Variants in CRYZL1 observed in about 807,000 individuals in gnomAD.
CRYZL1 encodes the protein crystallin zeta like 1.
A neutral mutation model predicts 50.6 loss-of-function variants in CRYZL1; 34 were observed. That is an observed-to-expected ratio of 0.67 (90% CI 0.51 to 0.89). The LOEUF is 0.89. Among genes scored for constraint, CRYZL1 ranks in the 40% least tolerant of loss-of-function variants. The pLI, the probability that CRYZL1 is intolerant of heterozygous loss-of-function variation, is 0.00. For synonymous variants in CRYZL1, 125 were observed against 134.3 expected, an observed-to-expected ratio of 0.93 and a Z score of 0.48; for missense variants, 354 against 402.3, an observed-to-expected ratio of 0.88 and a Z score of 1.03.
In CRYZL1 at chr21:33,598,811, T is replaced by TC. The variant is rs949233443; in HGVS notation, c.676+338_676+339insG. On this transcript the variant is annotated intron_variant, in intron 9 of 12. Transcript: ENST00000381554. ...ACATTATAAGACATTTTTGAGTTTT[T>TC]TTTTTTTTTTTTGGCTCATAAGATA... is the stretch of plus-strand genomic sequence containing the variant. Among the ~76,000 whole-genome samples the TC allele has an allele frequency of 3.3e-5, 5 of 152,064 alleles. No individual in the cohort carries two copies. The East Asian group carries it at 7.7e-4, about 23-fold the overall frequency.
chr21:33,640,113 A>G, intron 1 of CRYZL1: 1 of 1,541,748 alleles, frequency 6.5e-7, no homozygotes, highest in Non-Finnish European at 8.7e-7. Flanking sequence ...GGCGTGAGCC[A>G]CCACGCTCGG....
At chr21:33,626,092 T>TACA (rs1726767722) in intron 2 of CRYZL1, among the ~76,000 whole-genome samples, 1 of 152,090 alleles carries the variant, frequency 6.6e-6, no homozygotes, top group Admixed American at 6.5e-5. Context: ...TAGCTGGGAT[T>TACA]ACAGGCATGA....
chr21:33,597,218 T>G, intron 10 of CRYZL1, 62 bp downstream of exon 10: 4 of 1,511,494 alleles, frequency 2.6e-6, no homozygotes, highest in Non-Finnish European at 2.7e-6. Context: ...AACTTAGGCA[T>G]TATTGTTTGT....
At chr21:33,592,122 C>T (rs568423539) in intron 11 of CRYZL1, among the ~76,000 whole-genome samples, 36 of 147,220 alleles carry the variant, frequency 2.4e-4, no homozygotes, top group African/African-American at 7.7e-4. Flanking sequence ...TTTTTATTGT[C>T]GTATTATTAC....
chr21:33,616,843 TA>T (rs1318445406), intron 4 of CRYZL1, 93 bp from the exon 5 acceptor site: 32 of 1,157,428 alleles, frequency 2.8e-5, no homozygotes, highest in Non-Finnish European at 2.2e-5. Context: ...TGTGGATTTG[TA>T]AAAAGACTGA....
intron 4 of CRYZL1, among the ~76,000 whole-genome samples, chr21:33,618,963 T>C (rs2086965934): frequency 6.6e-6 from 1 of 152,190 alleles, no homozygotes; most frequent in African/African-American, 2.4e-5. Flanking sequence ...ACCTACATGC[T>C]GACATTTCTC....
intron 12 of CRYZL1, among the ~76,000 whole-genome samples, chr21:33,590,146 T>C (rs970210730): frequency 4.0e-5 from 6 of 151,680 alleles, no homozygotes; most frequent in Admixed American, 6.6e-5. Context: ...GCCTCCTGAG[T>C]AGCTGGGATT....
rs181260240 is a variant in CRYZL1, at chr21:33,636,506, T to A, written c.-6-4949A>T. Among the ~76,000 whole-genome samples, 624 of 152,300 alleles carry A rather than the reference T, an allele frequency of 4.1e-3. 4 individuals are homozygous for A. Among genetic ancestry groups the A allele is most frequent in the African/African-American group, 0.014 (600 of 41,556 alleles). ...GAATTAATCCACAAACTGAGGATTA[T>A]GTTAGTAATACTATAAATTTTTATA... On this transcript the variant is annotated intron_variant, in intron 1 of 12. Transcript: ENST00000381554.
intron 6 of CRYZL1, among the ~76,000 whole-genome samples, chr21:33,609,426 A>G (rs1182562285): frequency 6.6e-6 from 1 of 151,926 alleles, no homozygotes; most frequent in African/African-American, 2.4e-5. Context: ...CAGCCTCCCA[A>G]GCAGCTGGGA....
At chr21:33,605,422 G>T (rs1195573557) in intron 6 of CRYZL1, among the ~76,000 whole-genome samples, 1 of 151,266 alleles carries the variant, frequency 6.6e-6, no homozygotes, top group African/African-American at 2.4e-5. Context: ...AGTTTAAAAA[G>T]TTCCGCATGA....
At chr21:33,610,028 T>G (rs565623803) in intron 6 of CRYZL1, among the ~76,000 whole-genome samples, 1 of 151,226 alleles carries the variant, frequency 6.6e-6, no homozygotes, top group East Asian at 2.0e-4. Context: ...TTACAAAATT[T>G]TATTTGCTGG....
chr21:33,633,772 T>G (rs2087168776), intron 1 of CRYZL1: 1 of 152,214 alleles, frequency 6.6e-6, no homozygotes, highest in African/African-American at 2.4e-5. Context: ...GGCTACATAA[T>G]TTGCAGAGCC....
At chr21:33,611,005 A>G (rs1490150814) in intron 6 of CRYZL1, among the ~76,000 whole-genome samples, 1 of 152,166 alleles carries the variant, frequency 6.6e-6, no homozygotes, top group Non-Finnish European at 1.5e-5. Flanking sequence ...TGCTGGGATT[A>G]CAGGCATGAG....
intron 6 of CRYZL1, among the ~76,000 whole-genome samples, chr21:33,610,557 C>T (rs1308400165): frequency 6.6e-6 from 1 of 152,110 alleles, no homozygotes; most frequent in East Asian, 1.9e-4. Flanking sequence ...TTAATCCATC[C>T]TCCTGATTTA....
intron 6 of CRYZL1, among the ~76,000 whole-genome samples, chr21:33,611,074 T>G (rs2086868594): frequency 6.6e-6 from 1 of 152,082 alleles, no homozygotes; most frequent in African/African-American, 2.4e-5. Context: ...AGCAATTTAG[T>G]TTTGGTTACT....
At chr21:33,624,992 CAAA>C (rs2087044308) in intron 2 of CRYZL1, among the ~76,000 whole-genome samples, 1 of 151,928 alleles carries the variant, frequency 6.6e-6, no homozygotes, top group Non-Finnish European at 1.5e-5. Context: ...TAAAAGTACT[CAAA>C]TAACAATATG....
At chr21:33,629,228 A>AAACAAC (rs574242137) in intron 2 of CRYZL1, among the ~76,000 whole-genome samples, 77 of 152,030 alleles carry the variant, frequency 5.1e-4, no homozygotes, top group Non-Finnish European at 9.4e-4. Flanking sequence ...CTGTCTCAAA[A>AAACAAC]AACAACAACA....
At chr21:33,591,719 A>G (rs1258957525) in intron 11 of CRYZL1, 1 of 153,020 alleles carries the variant, frequency 6.5e-6, no homozygotes, top group Non-Finnish European at 1.5e-5. Context: ...CAGGACCCCC[A>G]TGAAGACCAA....
At chr21:33,616,811 A>G in intron 4 of CRYZL1, 61 bp from the exon 5 acceptor site, 4 of 1,337,166 alleles carry the variant, frequency 3.0e-6, no homozygotes, top group South Asian at 1.6e-5. Flanking sequence ...ATTCTTATCT[A>G]TTAAAATACA....
Sources: allele counts gnomAD v4.1 joint callset (sites outside exome capture counted in the v4.1 genomes callset), GRCh38; gene constraint gnomAD v4.1.1; transcripts MANE v1.5; gene names NCBI Gene and HGNC (gene_info 2026-07-23, HGNC 2026-07-21).